The following MEIOSIN variants were observed in gnomAD, a reference collection of about 807,000 sequenced individuals.
The protein encoded by MEIOSIN is meiosis initiator protein.
A neutral mutation model predicts 23.4 loss-of-function variants in MEIOSIN; 18 were observed. The observed-to-expected ratio is 0.77, with a 90% CI of 0.53 to 1.14. MEIOSIN has a LOEUF of 1.14. Among genes scored for constraint, MEIOSIN ranks in the 50% most tolerant of loss-of-function variants. The pLI is 0.00. For missense variants in MEIOSIN, 428 were observed against 242.9 expected, an observed-to-expected ratio of 1.76 and a Z score of -5.07; for synonymous variants, 187 against 100.6, an observed-to-expected ratio of 1.86 and a Z score of -5.14.
chr19:45,756,316 C>T (rs1239342509), intron 8 of MEIOSIN, among the ~76,000 whole-genome samples: 1 of 152,248 alleles, frequency 6.6e-6, no homozygotes, highest in Admixed American at 6.5e-5. Context: ...CCCTCCATCC[C>T]ATCCTCATGT....
chr19:45,749,827 AC>A (rs1383345271), intron 4 of MEIOSIN, among the ~76,000 whole-genome samples: 1 of 150,890 alleles, frequency 6.6e-6, no homozygotes, highest in African/African-American at 2.4e-5. Context: ...GCATGGTGAA[AC>A]CCCGTCTCTA....
intron 7 of MEIOSIN, among the ~76,000 whole-genome samples, chr19:45,755,248 C>A (rs1361029173): frequency 6.8e-6 from 1 of 147,954 alleles, no homozygotes; most frequent in African/African-American, 2.5e-5. Context: ...CTCCTGGATT[C>A]AAGCGACTCT....
At chr19:45,747,448 C>A (rs1968615189) in intron 4 of MEIOSIN, among the ~76,000 whole-genome samples, 1 of 152,200 alleles carries the variant, frequency 6.6e-6, no homozygotes, top group Admixed American at 6.6e-5. Flanking sequence ...ACCATGAACA[C>A]CCCCAGCGTA....
intron 11 of MEIOSIN, among the ~76,000 whole-genome samples, 184 bp downstream of exon 11, chr19:45,759,674 G>A (rs1448470308): frequency 6.6e-6 from 1 of 152,114 alleles, no homozygotes; most frequent in Non-Finnish European, 1.5e-5. Flanking sequence ...CTCACTGGTG[G>A]CCACCAGATG....
rs1968360711 is a variant in MEIOSIN, at chr19:45,733,650, A to C, written c.-17A>C. ...AGAACGGCGGGGGCAGCCTCACGCC[A>C]TTTTGCACGCCCTGAGGCGGGTGCT... is the stretch of plus-strand genomic sequence containing the variant. On this transcript the variant is annotated 5_prime_UTR_variant, in exon 1 of 15. Coordinates refer to ENST00000457052, the MANE Select transcript of MEIOSIN (RefSeq NM_001310124.2). The surrounding 1 kb of genome is among the most constrained non-coding windows in gnomAD (Gnocchi z 5.7). 6.6e-6 allele frequency: 1 copy of C among 152,078 alleles called. No homozygotes were observed. Among genetic ancestry groups the C allele is most frequent in the African/African-American group, 2.4e-5 (1 of 41,410 alleles). The allele number at this position is 152,078 out of a possible 1,614,324, so 9.4% of individuals were successfully genotyped here.
chr19:45,754,838 A>C, intron 7 of MEIOSIN, 114 bp downstream of exon 7: 1 of 634,864 alleles, frequency 1.6e-6, no homozygotes, highest in Non-Finnish European at 2.8e-6. Flanking sequence ...TGAATAGGAA[A>C]CACCGCCTCT....
At chr19:45,737,137 AG>A (rs1968421778) in intron 2 of MEIOSIN, among the ~76,000 whole-genome samples, 1 of 150,680 alleles carries the variant, frequency 6.6e-6, no homozygotes, top group Non-Finnish European at 1.5e-5. Context: ...CCAAAGTGCT[AG>A]GATTACAGGT....
At position 45,753,708 on chromosome 19, in the gene MEIOSIN, C is replaced by T; in HGVS notation, c.476C>T (p.Ser159Phe). 1.4e-6 allele frequency: 1 copy of T among 702,988 alleles called. No homozygotes were observed. The highest frequency in any genetic ancestry group is 2.6e-6 in the Non-Finnish European group (1 of 384,978). 43.5% of individuals were successfully genotyped at this position (702,988 alleles called of 1,614,324 possible). The change falls in exon 6 of 15, where the codon TCC becomes TTC. Residue 159 changes from serine (S) to phenylalanine (F), a missense_variant. Ser to Phe is a radical substitution (Grantham distance 155, BLOSUM62 -2). Coordinates refer to ENST00000457052, the MANE Select transcript of MEIOSIN (RefSeq NM_001310124.2). Reference protein sequence around the residue: ...PARRRRHSTPSSSPSSQKSCL... With the variant: ...PARRRRHSTPFSSPSSQKSCL... The stretch of plus-strand genomic sequence containing the variant: ...AGGCGGAGGAGACACTCTACCCCCT[C>T]CAGCTCCCCAAGCTCTCAGAAGTCC...
rs1194031129 is a variant in MEIOSIN at position 45,763,393 on chromosome 19, C to T, written c.1735C>T (p.Arg579Trp). The T allele has an allele frequency of 2.5e-6, 1 of 398,686 alleles. No homozygotes were observed. Among genetic ancestry groups the T allele is most frequent in the Non-Finnish European group, 4.4e-6 (1 of 226,150 alleles). The allele number at this position is 398,686 out of a possible 1,614,324, so 24.7% of individuals were successfully genotyped here. Residue 579 changes from arginine to tryptophan, a missense_variant, in exon 14 of 15, where the codon CGG becomes TGG. Coordinates refer to ENST00000457052, the MANE Select transcript of MEIOSIN (RefSeq NM_001310124.2). The stretch of plus-strand genomic sequence containing the variant: ...CACCAAGGAGCTGGCCCAGCTGTGG[C>T]GGGTGATGACCCAGCAGGAGCGGAG... ...AATKELAQLW[R>W]VMTQQERRPY...
chr19:45,752,034 T>G (rs1040241485), intron 5 of MEIOSIN, among the ~76,000 whole-genome samples: 32 of 6,930 alleles, frequency 4.6e-3, no homozygotes, highest in African/African-American at 0.021. Flanking sequence ...CTCCTAGCCG[T>G]TTTTTTTTTT....
At chr19:45,735,274 T>C in intron 1 of MEIOSIN, 103 bp from the exon 2 acceptor site, 2 of 656,690 alleles carry the variant, frequency 3.0e-6, no homozygotes, top group Admixed American at 2.2e-5. Context: ...CTCTGGGTGC[T>C]CAAAGGAGCA....
chr19:45,753,549 C>T, intron 5 of MEIOSIN, 102 bp from the exon 6 acceptor site: 1 of 605,602 alleles, frequency 1.7e-6, no homozygotes, highest in Non-Finnish European at 3.0e-6. Context: ...CCTGGGGGCC[C>T]ACCCTGACCC....
intron 9 of MEIOSIN, among the ~76,000 whole-genome samples, chr19:45,757,645 C>T (rs1226093947): frequency 3.9e-5 from 6 of 152,026 alleles, no homozygotes; most frequent in East Asian, 1.9e-4. Flanking sequence ...CTCAGCCTCC[C>T]GAGTAGCTGG....
rs144423440 is a variant in MEIOSIN, at chr19:45,745,073, G to A, written c.177-119G>A. 838 of 648,946 alleles carry A rather than the reference G, an allele frequency of 1.3e-3. 8 individuals carry two copies. The highest frequency in any genetic ancestry group is 0.013 in the African/African-American group (707 of 55,670). The allele number at this position is 648,946 out of a possible 1,614,324, so 40.2% of individuals were successfully genotyped here. ...GGGTGATGCCTGGGATTCTGTCCTC[G>A]GTGTCCAGGGTGGGGTGCGGGCAGC... On this transcript the variant is annotated intron_variant, in intron 3 of 14. Coordinates refer to ENST00000457052, the MANE Select transcript of MEIOSIN (RefSeq NM_001310124.2).
intron 3 of MEIOSIN, among the ~76,000 whole-genome samples, chr19:45,743,868 G>A (rs1968546727): frequency 6.6e-6 from 1 of 151,638 alleles, no homozygotes; most frequent in South Asian, 2.1e-4. Flanking sequence ...TTTTGCTCAG[G>A]CTGGTCTTGA....
chr19:45,759,523 C>T, intron 11 of MEIOSIN, 33 bp downstream of exon 11: 3 of 702,230 alleles, frequency 4.3e-6, no homozygotes, highest in South Asian at 1.5e-5. Flanking sequence ...TCCACAGACA[C>T]ATCCATCCGT....
At position 45,757,240 on chromosome 19, in the gene MEIOSIN, T is replaced by C; in HGVS notation, c.975T>C (p.Pro325=). 2.8e-6 allele frequency: 2 copies of C among 702,958 alleles called. No homozygotes were observed. The highest frequency in any genetic ancestry group is 2.6e-6 in the Non-Finnish European group (1 of 384,938). 43.5% of individuals were successfully genotyped at this position (702,958 alleles called of 1,614,324 possible). The stretch of plus-strand genomic sequence containing the variant: ...ACAAAGGGTCCCTAGACGCTGACCC[T>C]TGGCTCCCTGCCTGGACCCCAGAGA... ...DVDKGSLDAD[P]WLPAWTPENS... The change falls in exon 9 of 15, where the codon CCT becomes CCC. Residue 325 remains proline (P), a synonymous_variant. Coordinates refer to ENST00000457052, the MANE Select transcript of MEIOSIN (RefSeq NM_001310124.2).
intron 11 of MEIOSIN, 65 bp from the exon 12 acceptor site, chr19:45,761,614 G>T (rs1968943372): frequency 1.5e-6 from 1 of 675,018 alleles, no homozygotes; most frequent in Admixed American, 2.1e-5. Flanking sequence ...TAGAAAAGCA[G>T]TACTGGGGGG....
chr19:45,745,387 A>G (rs1247901314), intron 4 of MEIOSIN, 66 bp downstream of exon 4: 2 of 671,410 alleles, frequency 3.0e-6, no homozygotes, highest in Non-Finnish European at 5.4e-6. Flanking sequence ...CAAATGGGTC[A>G]CCCTCTCCTG....
Sources: allele counts gnomAD v4.1 joint callset (sites outside exome capture counted in the v4.1 genomes callset), GRCh38; gene constraint gnomAD v4.1.1; non-coding constraint Gnocchi (gnomAD v3.1); transcripts MANE v1.5; gene names NCBI Gene and HGNC (gene_info 2026-07-23, HGNC 2026-07-21).